Variants in NCKAP5 observed in about 807,000 individuals in gnomAD.
NCKAP5 encodes the protein NCK associated protein 5.
NCKAP5 carries 92 observed loss-of-function variants against 167.0 expected under a neutral mutation model. That is an observed-to-expected ratio of 0.55 (90% CI 0.47 to 0.66). NCKAP5 has a LOEUF of 0.66. Among genes scored for constraint, NCKAP5 ranks in the 30% least tolerant of loss-of-function variants. NCKAP5 has a pLI of 0.00. For missense variants in NCKAP5, 2,378 were observed against 2,315.0 expected (o/e 1.03, Z -0.56); for synonymous variants, 891 against 877.4 (o/e 1.02, Z -0.27).
At chr2:132,947,507 G>T (rs534581026) in intron 8 of NCKAP5, among the ~76,000 whole-genome samples, 1 of 152,252 alleles carries the variant, frequency 6.6e-6, no homozygotes, top group African/African-American at 2.4e-5. Flanking sequence ...TGCAGCTAAA[G>T]AATGGAAAAG....
chr2:133,252,832 G>T (rs995099460), intron 4 of NCKAP5, among the ~76,000 whole-genome samples: 1 of 152,152 alleles, frequency 6.6e-6, no homozygotes. Flanking sequence ...TGACTTACTT[G>T]CAACTGGCAG....
At chr2:132,794,834 C>T (rs1684452947) in intron 12 of NCKAP5, among the ~76,000 whole-genome samples, 1 of 152,122 alleles carries the variant, frequency 6.6e-6, no homozygotes, top group Non-Finnish European at 1.5e-5. Flanking sequence ...AGTGGATGGA[C>T]TTTGTTACCA....
chr2:132,764,817 C>T (rs913239772), intron 16 of NCKAP5, among the ~76,000 whole-genome samples: 28 of 152,248 alleles, frequency 1.8e-4, no homozygotes, highest in Admixed American at 6.5e-4. Context: ...AAGCAGCCTT[C>T]CGCTCAAAAA....
At chr2:132,941,085 C>A (rs904995841) in intron 8 of NCKAP5, among the ~76,000 whole-genome samples, 3 of 152,126 alleles carry the variant, frequency 2.0e-5, no homozygotes, top group Non-Finnish European at 4.4e-5. Context: ...TGAAAGTTGG[C>A]CAAGTCCCCA....
At chr2:133,109,418 A>C (rs758687991) in intron 6 of NCKAP5, among the ~76,000 whole-genome samples, 5 of 152,210 alleles carry the variant, frequency 3.3e-5, no homozygotes, top group Non-Finnish European at 5.9e-5. Context: ...TGCTTTCTTC[A>C]AGAGAGTTAT....
the NCKAP5 span, among the ~76,000 whole-genome samples, chr2:133,641,821 G>T: frequency 1.3e-5 from 2 of 152,178 alleles, no homozygotes; most frequent in African/African-American, 4.8e-5. Flanking sequence ...TCCATGGCAG[G>T]CTCACAACTG....
In NCKAP5 at chr2:133,540,213, T is replaced by C. The variant is rs150149882; in HGVS notation, c.-62+18837A>G. ...AAAAGAAAAAGAAAAATGCTATGCA[T>C]ATCAACATGTATACTATTAAAACCA... On this transcript the variant is annotated intron_variant, in intron 2 of 19. Coordinates refer to ENST00000409261, the MANE Select transcript of NCKAP5 (RefSeq NM_207363.3). 3.4e-4 allele frequency among the ~76,000 whole-genome samples: 52 copies of C among 152,194 alleles called. 1 individual carries two copies. The highest frequency in any genetic ancestry group is 3.4e-3 in the Middle Eastern group (1 of 294).
In NCKAP5 at chr2:133,024,001, T is replaced by C. The variant is rs189524671; in HGVS notation, c.342-29762A>G. On this transcript the variant is annotated intron_variant, in intron 6 of 19. Transcript: ENST00000409261. ...TATATTCAATATATAGCCTTTGCAT[T>C]TGAGATATGTATGTATGTCTTAACT... Among the ~76,000 whole-genome samples the C allele has an allele frequency of 1.9e-3, 286 of 152,238 alleles. 1 individual carries two copies. The highest frequency in any genetic ancestry group is 6.3e-3 in the African/African-American group (262 of 41,528).
intron 2 of NCKAP5, among the ~76,000 whole-genome samples, chr2:133,528,539 G>A (rs988347873): frequency 1.3e-5 from 2 of 152,204 alleles, no homozygotes; most frequent in African/African-American, 4.8e-5. Flanking sequence ...CTTCTGGCCT[G>A]TGGGTTGTAC....
At position 132,770,791 on chromosome 2, in the gene NCKAP5, A is replaced by G. The variant is rs529798147; in HGVS notation, c.5128+3025T>C. ...GTACAACAAAATGAAGTGTTGGCCA[A>G]TGACGAACTGCATACACAATGGTGA... On this transcript the variant is annotated intron_variant, in intron 16 of 19. Coordinates refer to ENST00000409261, the MANE Select transcript of NCKAP5 (RefSeq NM_207363.3). Among the ~76,000 whole-genome samples the G allele has an allele frequency of 9.2e-5, 14 of 152,336 alleles. No individual in the cohort carries two copies. In the South Asian group the frequency reaches 2.7e-3, roughly 29 times the overall value.
intron 4 of NCKAP5, among the ~76,000 whole-genome samples, chr2:133,227,975 C>T (rs1291111858): frequency 6.6e-6 from 1 of 152,152 alleles, no homozygotes; most frequent in Non-Finnish European, 1.5e-5. Flanking sequence ...AATTTATATA[C>T]CACTTGGCAT....
intron 11 of NCKAP5, among the ~76,000 whole-genome samples, chr2:132,829,618 C>T (rs1157955840): frequency 6.6e-5 from 10 of 152,070 alleles, no homozygotes; most frequent in Non-Finnish European, 1.2e-4. Context: ...AAATGCTTCC[C>T]GACCCCTGAT....
chr2:133,176,622 T>C (rs1218460602), intron 5 of NCKAP5, among the ~76,000 whole-genome samples: 1 of 152,252 alleles, frequency 6.6e-6, no homozygotes, highest in Non-Finnish European at 1.5e-5. Context: ...TTCCATGTGC[T>C]AGTAACCTGG....
chr2:132,820,713 T>C (rs1318101619), intron 11 of NCKAP5, among the ~76,000 whole-genome samples: 1 of 152,214 alleles, frequency 6.6e-6, no homozygotes, highest in Non-Finnish European at 1.5e-5. Flanking sequence ...AAGTTTTCCT[T>C]TTAAATTCAA....
chr2:133,523,883 T>TATG (rs1684666634), intron 2 of NCKAP5, among the ~76,000 whole-genome samples: 2 of 152,196 alleles, frequency 1.3e-5, no homozygotes, highest in Admixed American at 1.3e-4. Flanking sequence ...CCATGGGTTT[T>TATG]CACCCTGGTT....
intron 6 of NCKAP5, among the ~76,000 whole-genome samples, chr2:133,034,511 G>T (rs922090920): frequency 1.3e-5 from 2 of 151,558 alleles, no homozygotes; most frequent in Non-Finnish European, 2.9e-5. Context: ...TACTCTTATT[G>T]TATGTAGAAA....
At chr2:132,701,523 A>ACTGCTG (rs142983300) in intron 19 of NCKAP5, among the ~76,000 whole-genome samples, 4,933 of 151,646 alleles carry the variant, frequency 0.033, 270 homozygotes, top group African/African-American at 0.12. Context: ...TACATCAGAT[A>ACTGCTG]CTGCTGCTGC....
chr2:132,850,532 A>G (rs1688996139), intron 11 of NCKAP5, among the ~76,000 whole-genome samples: 1 of 151,948 alleles, frequency 6.6e-6, no homozygotes, highest in African/African-American at 2.4e-5. Context: ...TATTGTAAAG[A>G]TGCAGTGAGA....
At chr2:133,601,091 C>T in the NCKAP5 span, among the ~76,000 whole-genome samples, 1,394 of 152,226 alleles carry the variant, frequency 9.2e-3, 5 homozygotes, top group Non-Finnish European at 0.015. Context: ...CTGAAGGTGA[C>T]GCTTACCACT....
Sources: allele counts gnomAD v4.1 joint callset (sites outside exome capture counted in the v4.1 genomes callset), GRCh38; gene constraint gnomAD v4.1.1; transcripts MANE v1.5; gene names NCBI Gene and HGNC (gene_info 2026-07-23, HGNC 2026-07-21).